The following TIAM2 variants were observed in gnomAD, a reference collection of about 807,000 sequenced individuals.
TIAM2 encodes TIAM Rac1 associated GEF 2.
Under a neutral mutation model 152.9 loss-of-function variants are expected in TIAM2, and 80 were observed. The ratio of observed to expected loss-of-function variants is 0.52; its 90% CI spans 0.44 to 0.63. The LOEUF is 0.63. Ranked by LOEUF, TIAM2 falls within the 30% of genes least tolerant of loss-of-function variation. TIAM2 has a pLI of 0.00. For missense variants in TIAM2, 1,965 were observed against 2,120.1 expected, an observed-to-expected ratio of 0.93 and a Z score of 1.44; for synonymous variants, 804 against 838.0, an observed-to-expected ratio of 0.96 and a Z score of 0.70.
intron 1 of TIAM2, among the ~76,000 whole-genome samples, chr6:155,041,750 T>C (rs910119221): frequency 6.6e-6 from 1 of 152,188 alleles, no homozygotes; most frequent in Non-Finnish European, 1.5e-5. Flanking sequence ...AAAAATAAGA[T>C]TTGTTTTACA....
chr6:155,136,972 C>G (rs1209058176), intron 4 of TIAM2, among the ~76,000 whole-genome samples: 2 of 152,164 alleles, frequency 1.3e-5, no homozygotes, highest in East Asian at 3.8e-4. Context: ...GCTAATTCTA[C>G]TGGATATAAA....
At chr6:155,125,231 G>A (rs1439555254) in intron 2 of TIAM2, among the ~76,000 whole-genome samples, 3 of 151,826 alleles carry the variant, frequency 2.0e-5, no homozygotes, top group African/African-American at 4.8e-5. Context: ...AGATTGTACC[G>A]CTGCACTCCA....
chr6:155,215,239 C>G (rs757185837), intron 15 of TIAM2, among the ~76,000 whole-genome samples: 5 of 152,132 alleles, frequency 3.3e-5, no homozygotes, highest in Non-Finnish European at 5.9e-5. Context: ...TTAACAATGC[C>G]TATGGTAACT....
intron 18 of TIAM2, among the ~76,000 whole-genome samples, chr6:155,245,284 T>C (rs989463966): frequency 1.3e-5 from 2 of 152,214 alleles, no homozygotes; most frequent in Non-Finnish European, 2.9e-5. Flanking sequence ...AGCATCACTC[T>C]CCCCAAGCAA....
At chr6:155,226,052 C>G (rs775864834) in intron 15 of TIAM2, among the ~76,000 whole-genome samples, 5 of 152,110 alleles carry the variant, frequency 3.3e-5, no homozygotes, top group Non-Finnish European at 5.9e-5. Context: ...TTTTTGAAAC[C>G]AGATTCCAAG....
At chr6:155,158,540 T>C (rs1780179290) in intron 7 of TIAM2, among the ~76,000 whole-genome samples, 2 of 152,142 alleles carry the variant, frequency 1.3e-5, no homozygotes, top group Non-Finnish European at 1.5e-5. Context: ...GCTCAATCTA[T>C]ATAGAAGTTA....
intron 14 of TIAM2, among the ~76,000 whole-genome samples, chr6:155,188,117 A>T (rs747803861): frequency 2.0e-5 from 3 of 152,088 alleles, no homozygotes; most frequent in Non-Finnish European, 4.4e-5. Flanking sequence ...CCGGCACATG[A>T]TCTCTGTTGC....
intron 3 of TIAM2, 64 bp downstream of exon 3, chr6:155,127,664 T>G: frequency 2.2e-6 from 1 of 448,556 alleles, no homozygotes; most frequent in South Asian, 1.6e-5. Flanking sequence ...AGGTAATAAG[T>G]AAAGGTTTAA....
Position 155,257,668 on chromosome 6 carries a change from T to TTTGA in TIAM2, c.*549_*552dup, listed in dbSNP as rs1196340496. On this transcript the variant is annotated 3_prime_UTR_variant, in exon 27 of 27. Coordinates refer to ENST00000682666, the MANE Select transcript of TIAM2 (RefSeq NM_012454.4). ...AAAAGAAAGCTTGTACTGTATCTTA[T>TTTGA]TTGATGATATTTATTTTCTCTGCCA... The TTTGA allele has an allele frequency of 1.4e-6, 1 of 711,226 alleles. No individual in the cohort carries two copies. The highest frequency in any genetic ancestry group is 2.3e-6 in the Non-Finnish European group (1 of 429,984). The allele number at this position is 711,226 out of a possible 1,614,324, so 44.1% of individuals were successfully genotyped here.
At chr6:155,243,106 C>T (rs1783133047) in intron 16 of TIAM2, among the ~76,000 whole-genome samples, 1 of 152,308 alleles carries the variant, frequency 6.6e-6, no homozygotes, top group East Asian at 1.9e-4. Context: ...TCTACTCCCA[C>T]TATACTGTCC....
At chr6:155,023,759 A>G (rs1239748399) in intron 1 of TIAM2, among the ~76,000 whole-genome samples, 3 of 152,158 alleles carry the variant, frequency 2.0e-5, no homozygotes, top group Admixed American at 1.3e-4. Flanking sequence ...GCTTTTGTTC[A>G]TCGTATATAG....
intron 14 of TIAM2, among the ~76,000 whole-genome samples, chr6:155,192,405 C>T (rs1273261778): frequency 2.0e-5 from 3 of 152,152 alleles, no homozygotes; most frequent in African/African-American, 7.2e-5. Flanking sequence ...ATTGTCATTA[C>T]TCTAGTTTTA....
At chr6:155,127,316 G>T (rs1471801249) in intron 2 of TIAM2, among the ~76,000 whole-genome samples, 174 bp from the exon 3 acceptor site, 1 of 152,160 alleles carries the variant, frequency 6.6e-6, no homozygotes, top group Admixed American at 6.5e-5. Flanking sequence ...GGCAGTTCTG[G>T]CTTCAAATGA....
intron 1 of TIAM2, among the ~76,000 whole-genome samples, chr6:155,066,762 G>T (rs978446829): frequency 1.7e-4 from 25 of 151,200 alleles, no homozygotes; most frequent in Middle Eastern, 6.9e-3. Context: ...TTGTTTGTTT[G>T]TTTGTTTTTT....
chr6:155,139,916 G>A (rs1250694027), intron 5 of TIAM2, among the ~76,000 whole-genome samples: 1 of 152,078 alleles, frequency 6.6e-6, no homozygotes, highest in Non-Finnish European at 1.5e-5. Flanking sequence ...CTCCAGCCTG[G>A]GCGATGAGTG....
chr6:155,183,381 G>T lies in TIAM2; in HGVS notation c.2945G>T (p.Cys982Phe). The T allele has an allele frequency of 6.2e-7, 1 of 1,614,110 alleles. No individual in the cohort carries two copies. The highest frequency in any genetic ancestry group is 8.5e-7 in the Non-Finnish European group (1 of 1,180,016). The stretch of plus-strand genomic sequence containing the variant: ...CCTCCGGACACAAAAGCAACCCTGT[G>T]TACATCCTGGTCAGACAGTGACCTG... ...ARPPDTKATL[C>F]TSWSDSDLFS... The change falls in exon 14 of 27, where the codon TGT becomes TTT. Residue 982 changes from cysteine (C) to phenylalanine (F), a missense_variant. Cys to Phe is a radical substitution (Grantham distance 205). Around this residue, in one of 3 missense-constraint regions of TIAM2, gnomAD observed 935 missense variants for 980.0 expected, o/e 0.95. Transcript: ENST00000682666.
intron 1 of TIAM2, among the ~76,000 whole-genome samples, chr6:155,033,532 G>T (rs561285919): frequency 6.6e-6 from 1 of 151,992 alleles, no homozygotes; most frequent in Non-Finnish European, 1.5e-5. Context: ...AGAATAGAAA[G>T]GTTTAGTTTC....
chr6:155,053,254 G>A (rs1158981055), intron 1 of TIAM2, among the ~76,000 whole-genome samples: 1 of 152,162 alleles, frequency 6.6e-6, no homozygotes, highest in Non-Finnish European at 1.5e-5. Context: ...GCAACAGATA[G>A]GTAAGATGGT....
At position 155,104,043 on chromosome 6, in the gene TIAM2, C is replaced by G. The variant is rs1384466591; in HGVS notation, c.-118+13664C>G. Among the ~76,000 whole-genome samples the G allele has an allele frequency of 5.5e-5, 5 of 90,898 alleles. 1 individual carries two copies. The highest frequency in any genetic ancestry group is 6.4e-4 in the South Asian group (2 of 3,124). 59.6% of individuals were successfully genotyped at this position (90,898 alleles called of 152,430 possible). ...TGTATTTACCTCACACACACACACC[C>G]CCCCCCCCACACCCCCACACACCCC... On this transcript the variant is annotated intron_variant, in intron 2 of 26. Transcript: ENST00000682666.
Sources: gnomAD v4.1 joint callset for allele counts (sites outside exome capture counted in the v4.1 genomes callset) on GRCh38, gnomAD v4.1.1 for gene constraint, gnomAD v4.1.1 regional missense constraint, MANE v1.5 for transcripts, NCBI Gene and HGNC (gene_info 2026-07-23, HGNC 2026-07-21) for gene names.